The following ANO10 variants were observed in gnomAD, a reference collection of about 807,000 sequenced individuals.
The protein encoded by ANO10 is anoctamin-10.
ANO10 carries 77 observed loss-of-function variants against 74.7 expected under a neutral mutation model. That is an observed-to-expected ratio of 1.03 (90% CI 0.86 to 1.25). ANO10 has a LOEUF of 1.25. Among genes scored for constraint, ANO10 ranks in the 50% most tolerant of loss-of-function variants. The pLI is 0.00. For synonymous variants in ANO10, 279 were observed against 284.9 expected (o/e 0.98, Z 0.21); for missense variants, 721 against 778.1 (o/e 0.93, Z 0.87).
chr3:43,367,168 A>G (rs1289577570), intron 12 of ANO10, among the ~76,000 whole-genome samples, 194 bp from the exon 13 acceptor site: 2 of 152,114 alleles, frequency 1.3e-5, no homozygotes, highest in Non-Finnish European at 2.9e-5. Context: ...TGGAAATGCA[A>G]TGTCGCACTG....
chr3:43,504,975 T>G (rs73832607), intron 11 of ANO10, among the ~76,000 whole-genome samples: 3,579 of 152,254 alleles, frequency 0.024, 146 homozygotes, highest in African/African-American at 0.081. Flanking sequence ...TTCTAAAAAA[T>G]GTATCAACCA....
At chr3:43,530,008 A>G (rs1481168256) in intron 11 of ANO10, among the ~76,000 whole-genome samples, 1 of 152,136 alleles carries the variant, frequency 6.6e-6, no homozygotes, top group Non-Finnish European at 1.5e-5. Flanking sequence ...GCAAAACTAA[A>G]CCCAATTCTA....
chr3:43,646,262 C>T lies in ANO10; in HGVS notation c.-11-40399G>A, dbSNP rs550214255. Among the ~76,000 whole-genome samples the T allele has an allele frequency of 2.6e-5, 4 of 152,248 alleles. No homozygotes were observed. In the East Asian group the frequency reaches 7.7e-4, roughly 29 times the overall value. ...TGATACAATGTGAAAACAAAAGATT[C>T]GAGGAGTTCTAATTCCCATGCTTCT... On this transcript the variant is annotated intron_variant, in intron 1 of 3. Transcript: ENST00000413397.
chr3:43,598,515 T>C lies in ANO10; in HGVS notation c.472+17A>G. 1 of 1,612,196 alleles carries C rather than the reference T, an allele frequency of 6.2e-7. No homozygotes were observed. The highest frequency in any genetic ancestry group is 8.5e-7 in the Non-Finnish European group (1 of 1,179,398). On this transcript the variant is annotated intron_variant, in intron 4 of 12. Coordinates refer to ENST00000292246, the MANE Select transcript of ANO10 (RefSeq NM_018075.5). ...TTATGTCTATTAAGAAAAAGACTGG[T>C]TGACATAATGACTTACACAATGATT... is the stretch of plus-strand genomic sequence containing the variant.
intron 9 of ANO10, among the ~76,000 whole-genome samples, chr3:43,559,783 T>C (rs541360274): frequency 6.6e-6 from 1 of 152,288 alleles, no homozygotes; most frequent in East Asian, 1.9e-4. Context: ...TTTTATCCCA[T>C]AGTAAAATGA....
At chr3:43,456,265 CT>C (rs2075122917) in intron 11 of ANO10, among the ~76,000 whole-genome samples, 1 of 152,106 alleles carries the variant, frequency 6.6e-6, no homozygotes. Flanking sequence ...TGAGTGTCAC[CT>C]TTTATACAAA....
chr3:43,667,180 T>A (rs2149575679), intron 1 of ANO10, among the ~76,000 whole-genome samples: 1 of 141,930 alleles, frequency 7.0e-6, no homozygotes, highest in South Asian at 2.4e-4. Flanking sequence ...AAACTTTGCC[T>A]CCTGGGTTCA....
intron 11 of ANO10, among the ~76,000 whole-genome samples, chr3:43,466,779 T>C (rs1030389644): frequency 2.6e-5 from 4 of 152,152 alleles, no homozygotes; most frequent in Admixed American, 6.5e-5. Flanking sequence ...AAATTAAAAA[T>C]TTGTCTTCAA....
intron 1 of ANO10, 45 bp from the exon 2 acceptor site, chr3:43,605,908 G>A (rs2082542570): frequency 6.3e-7 from 1 of 1,596,282 alleles, no homozygotes; most frequent in Non-Finnish European, 8.6e-7. Context: ...TGTTATTATG[G>A]CAAAGAGAAA....
intron 1 of ANO10, among the ~76,000 whole-genome samples, chr3:43,684,062 A>G (rs922490588): frequency 1.3e-5 from 2 of 152,216 alleles, no homozygotes; most frequent in African/African-American, 4.8e-5. Context: ...ACAGCAACAA[A>G]AGCCAAAATT....
At chr3:43,617,320 T>C (rs1227379223) in intron 1 of ANO10, among the ~76,000 whole-genome samples, 2 of 151,872 alleles carry the variant, frequency 1.3e-5, no homozygotes, top group Admixed American at 1.3e-4. Flanking sequence ...GGTAGAATGA[T>C]TTCTGTATTG....
intron 12 of ANO10, among the ~76,000 whole-genome samples, chr3:43,430,568 T>C (rs563267025): frequency 5.9e-5 from 9 of 152,232 alleles, no homozygotes; most frequent in Admixed American, 2.0e-4. Context: ...ACATAAAATA[T>C]CACTTTTACC....
chr3:43,403,658 T>C (rs2092524237), intron 12 of ANO10, among the ~76,000 whole-genome samples: 1 of 152,232 alleles, frequency 6.6e-6, no homozygotes, highest in African/African-American at 2.4e-5. Context: ...CCTGACCTTA[T>C]TCCAAATTCA....
chr3:43,370,784 T>C (rs2091581706), intron 12 of ANO10, among the ~76,000 whole-genome samples: 1 of 152,178 alleles, frequency 6.6e-6, no homozygotes, highest in Non-Finnish European at 1.5e-5. Context: ...TTTGCATCAT[T>C]ATTAGTAATG....
chr3:43,438,482 C>T (rs1003466151), intron 11 of ANO10, among the ~76,000 whole-genome samples: 5 of 151,816 alleles, frequency 3.3e-5, no homozygotes, highest in Middle Eastern at 3.4e-3. Context: ...TGGTGGCTCA[C>T]GCCTGTAATC....
At chr3:43,394,042 CT>C (rs962975635) in intron 12 of ANO10, among the ~76,000 whole-genome samples, 54 of 151,950 alleles carry the variant, frequency 3.6e-4, no homozygotes, top group Non-Finnish European at 4.4e-4. Flanking sequence ...GGTATCATAA[CT>C]TTTTTTTTCT....
At chr3:43,451,482 G>C (rs1311055093) in intron 11 of ANO10, among the ~76,000 whole-genome samples, 2 of 152,100 alleles carry the variant, frequency 1.3e-5, no homozygotes, top group Non-Finnish European at 2.9e-5. Flanking sequence ...TTTCTCTAAC[G>C]AAAGTCCTGC....
At chr3:43,512,881 G>C (rs556595569) in intron 11 of ANO10, among the ~76,000 whole-genome samples, 1 of 152,076 alleles carries the variant, frequency 6.6e-6, no homozygotes. Flanking sequence ...AAAGAAGCAG[G>C]GTGAGCCTAC....
At chr3:43,687,550 G>A (rs1413091102) in intron 1 of ANO10, among the ~76,000 whole-genome samples, 3 of 152,170 alleles carry the variant, frequency 2.0e-5, no homozygotes, top group Non-Finnish European at 4.4e-5. Flanking sequence ...TCAGTCTTTA[G>A]GCTACAACCC....
Sources: gnomAD v4.1 joint callset for allele counts (sites outside exome capture counted in the v4.1 genomes callset) on GRCh38, gnomAD v4.1.1 for gene constraint, MANE v1.5 for transcripts, NCBI Gene and HGNC (gene_info 2026-07-23, HGNC 2026-07-21) for gene names.